The following UTRN variants were observed in gnomAD, a reference collection of about 807,000 sequenced individuals.
UTRN encodes utrophin, also known as dystrophin-related protein 1.
A neutral mutation model predicts 463.9 loss-of-function variants in UTRN; 283 were observed. The ratio of observed to expected loss-of-function variants is 0.61; its 90% CI spans 0.55 to 0.67. The LOEUF (loss-of-function observed/expected upper bound fraction) is 0.67, where lower values mean the gene tolerates loss of function less well. Among genes scored for constraint, UTRN ranks in the 30% least tolerant of loss-of-function variants. UTRN has a pLI of 0.00. For synonymous variants in UTRN, 1,442 were observed against 1,431.5 expected (o/e 1.01, Z -0.17); for missense variants, 3,922 against 4,084.3 (o/e 0.96, Z 1.08).
chr6:144,608,801 G>A (rs1805156873), intron 51 of UTRN, among the ~76,000 whole-genome samples: 1 of 152,162 alleles, frequency 6.6e-6, no homozygotes. Context: ...TGCTTTGCTG[G>A]CTGCAATTTG....
intron 33 of UTRN, among the ~76,000 whole-genome samples, chr6:144,497,082 T>C (rs947164080): frequency 5.9e-5 from 9 of 152,164 alleles, no homozygotes; most frequent in African/African-American, 1.9e-4. Context: ...CAGGTTTTAG[T>C]AGGCAAATTA....
chr6:144,722,635 C>T (rs1437688631), intron 53 of UTRN, among the ~76,000 whole-genome samples: 1 of 152,078 alleles, frequency 6.6e-6, no homozygotes, highest in African/African-American at 2.4e-5. Context: ...AACCCTTAGA[C>T]ATATGTAACC....
rs536855138 is a variant in UTRN at position 144,683,274 on chromosome 6, T to C, written c.7652+4696T>C. 1.2e-4 allele frequency among the ~76,000 whole-genome samples: 18 copies of C among 152,292 alleles called. No homozygotes were observed. The East Asian group carries it at 3.1e-3, about 26-fold the overall frequency. Reference sequence around the variant, plus strand: ...AAGAACTCAGTATCTTCATGGCCTGTCGTCAAGTGGACCGTATGGGCTGAG... The same window carrying C: ...AAGAACTCAGTATCTTCATGGCCTGCCGTCAAGTGGACCGTATGGGCTGAG... On this transcript the variant is annotated intron_variant, in intron 52 of 74. Transcript: ENST00000367545.
chr6:144,684,051 T>G (rs951227483), intron 52 of UTRN, among the ~76,000 whole-genome samples: 1 of 147,358 alleles, frequency 6.8e-6, no homozygotes, highest in African/African-American at 2.5e-5. Context: ...TCCCTTTACT[T>G]TTTTTTTTTT....
intron 65 of UTRN, among the ~76,000 whole-genome samples, chr6:144,813,626 A>T (rs7761155): frequency 0.11 from 16,740 of 152,288 alleles, 1,079 homozygotes; most frequent in South Asian, 0.18. Context: ...ACTAGATGAC[A>T]AGAGAGATCC....
intron 2 of UTRN, among the ~76,000 whole-genome samples, chr6:144,390,758 T>A (rs1022575329): frequency 6.6e-6 from 1 of 152,150 alleles, no homozygotes; most frequent in Non-Finnish European, 1.5e-5. Flanking sequence ...CCCCTTTTCA[T>A]CCCCATCAAG....
At chr6:144,697,750 AATAG>A (rs1462585437) in intron 52 of UTRN, among the ~76,000 whole-genome samples, 1 of 152,168 alleles carries the variant, frequency 6.6e-6, no homozygotes, top group Non-Finnish European at 1.5e-5. Flanking sequence ...CCTCATAATT[AATAG>A]ATAGTTTTTC....
intron 51 of UTRN, among the ~76,000 whole-genome samples, chr6:144,642,828 C>A (rs1448888254): frequency 1.3e-5 from 2 of 152,076 alleles, no homozygotes; most frequent in Admixed American, 6.6e-5. Flanking sequence ...GATTATATTT[C>A]TGACTGTAAA....
chr6:144,505,406 C>G (rs367627425), intron 34 of UTRN, among the ~76,000 whole-genome samples: 25 of 152,264 alleles, frequency 1.6e-4, no homozygotes, highest in African/African-American at 6.0e-4. Flanking sequence ...ATGAATTTCC[C>G]TCTAAACACT....
At chr6:144,569,691 A>G (rs993584792) in intron 50 of UTRN, among the ~76,000 whole-genome samples, 1 of 152,192 alleles carries the variant, frequency 6.6e-6, no homozygotes, top group Non-Finnish European at 1.5e-5. Flanking sequence ...GCAAGAAAAC[A>G]ATTGCTTACT....
chr6:144,789,074 A>G, intron 61 of UTRN, 120 bp from the exon 62 acceptor site: 1 of 760,444 alleles, frequency 1.3e-6, no homozygotes, highest in South Asian at 1.9e-5. Context: ...GAAAAGTTGC[A>G]TCTTTAAGAT....
intron 2 of UTRN, among the ~76,000 whole-genome samples, chr6:144,337,063 C>T (rs1776768151): frequency 6.6e-6 from 1 of 152,092 alleles, no homozygotes; most frequent in Admixed American, 6.6e-5. Context: ...CAGACAGCTG[C>T]CACTTCTGTT....
intron 51 of UTRN, among the ~76,000 whole-genome samples, chr6:144,612,952 C>T (rs545802362): frequency 6.6e-6 from 1 of 152,004 alleles, no homozygotes; most frequent in East Asian, 1.9e-4. Context: ...GAAACAACAA[C>T]AAAACATCCA....
intron 14 of UTRN, among the ~76,000 whole-genome samples, chr6:144,445,618 T>C (rs1213772674): frequency 6.6e-6 from 1 of 151,376 alleles, no homozygotes; most frequent in Non-Finnish European, 1.5e-5. Flanking sequence ...AAAAGGGACC[T>C]GATTCTGATT....
chr6:144,516,995 C>G (rs1028240101), intron 39 of UTRN, 47 bp downstream of exon 39: 11 of 1,375,324 alleles, frequency 8.0e-6, no homozygotes, highest in African/African-American at 3.0e-5. Context: ...CCTTACTTAA[C>G]TCTTGCCATT....
At chr6:144,769,306 C>T (rs1233411649) in intron 58 of UTRN, among the ~76,000 whole-genome samples, 1 of 152,106 alleles carries the variant, frequency 6.6e-6, no homozygotes, top group Non-Finnish European at 1.5e-5. Context: ...CAGCAGCCAA[C>T]TGCATTGCCT....
intron 51 of UTRN, among the ~76,000 whole-genome samples, chr6:144,641,386 A>G (rs1226342316): frequency 1.3e-5 from 2 of 152,196 alleles, no homozygotes; most frequent in Non-Finnish European, 2.9e-5. Flanking sequence ...AGGGGTTGTG[A>G]AGACTAAAGT....
At chr6:144,666,578 A>G (rs1021590491) in intron 51 of UTRN, among the ~76,000 whole-genome samples, 2 of 152,144 alleles carry the variant, frequency 1.3e-5, no homozygotes, top group African/African-American at 4.8e-5. Context: ...TATTAAGATG[A>G]TTTTCTGTTT....
chr6:144,490,667 T>C (rs898015660), intron 31 of UTRN, among the ~76,000 whole-genome samples: 1 of 152,222 alleles, frequency 6.6e-6, no homozygotes, highest in Admixed American at 6.5e-5. Context: ...GAGGTCAGCT[T>C]TATCTAAATT....
Sources: allele counts gnomAD v4.1 joint callset (sites outside exome capture counted in the v4.1 genomes callset), GRCh38; gene constraint gnomAD v4.1.1; transcripts MANE v1.5; gene names NCBI Gene and HGNC (gene_info 2026-07-23, HGNC 2026-07-21).